The following NCKAP5 variants were observed in gnomAD, a reference collection of about 807,000 sequenced individuals.
NCKAP5 encodes the protein NCK associated protein 5.
In NCKAP5, 92 loss-of-function variants were observed where a neutral mutation model predicts 167.0. The observed-to-expected ratio is 0.55, with a 90% confidence interval of 0.47 to 0.66. The LOEUF is 0.66. NCKAP5 is among the 30% of genes least tolerant of loss of function. The probability of loss-of-function intolerance (pLI) is 0.00; values close to 1 mark genes in which losing one functional copy is unlikely to be tolerated. For synonymous variants in NCKAP5, 891 were observed against 877.4 expected, an observed-to-expected ratio of 1.02 and a Z score of -0.27; for missense variants, 2,378 against 2,315.0, an observed-to-expected ratio of 1.03 and a Z score of -0.56.
chr2:133,064,414 A>G (rs2080118304), intron 6 of NCKAP5, among the ~76,000 whole-genome samples: 1 of 152,184 alleles, frequency 6.6e-6, no homozygotes, highest in Admixed American at 6.5e-5. Flanking sequence ...AAAATCACAT[A>G]CGTGCCAGAA....
intron 3 of NCKAP5, among the ~76,000 whole-genome samples, chr2:133,359,724 G>A (rs1020957641): frequency 3.9e-5 from 6 of 152,230 alleles, no homozygotes; most frequent in African/African-American, 1.4e-4. Context: ...AATCCTTTTA[G>A]AAGAGACCCT....
rs549695599 is a variant in NCKAP5, at chr2:132,839,644, G to C, written c.807+20848C>G. ...GGCATGTTGGCATTTGCCTGTCCCA[G>C]ATACTCAGGAGGCTGAGGTAGGAGG... On this transcript the variant is annotated intron_variant, in intron 11 of 19. Coordinates refer to ENST00000409261, the MANE Select transcript of NCKAP5 (RefSeq NM_207363.3). Among the ~76,000 whole-genome samples, 16 of 150,562 alleles carry C rather than the reference G, an allele frequency of 1.1e-4. No individual in the cohort carries two copies. The South Asian group carries it at 2.1e-3, about 20-fold the overall frequency.
intron 19 of NCKAP5, among the ~76,000 whole-genome samples, chr2:132,719,968 G>T (rs778473426): frequency 6.6e-6 from 1 of 152,210 alleles, no homozygotes; most frequent in Non-Finnish European, 1.5e-5. Context: ...CAGCCAGGTA[G>T]ATGAAACAGA....
At chr2:133,401,260 C>T (rs1283263354) in intron 3 of NCKAP5, among the ~76,000 whole-genome samples, 1 of 152,228 alleles carries the variant, frequency 6.6e-6, no homozygotes, top group Non-Finnish European at 1.5e-5. Context: ...ACTCCATTCC[C>T]CTGCTCCTCA....
In NCKAP5 at chr2:132,907,221, C is replaced by T. The variant is rs528778012; in HGVS notation, c.580-28305G>A. On this transcript the variant is annotated intron_variant, in intron 8 of 19. Transcript: ENST00000409261. ...TGAAAACCTTTTAGTCCATCCTCAA[C>T]TCATAACAATGATCACCTAACCAAG... is the stretch of plus-strand genomic sequence containing the variant. Among the ~76,000 whole-genome samples, 256 of 152,318 alleles carry T rather than the reference C, an allele frequency of 1.7e-3. 1 individual carries two copies. The highest frequency in any genetic ancestry group is 6.0e-3 in the African/African-American group (251 of 41,576).
At chr2:133,533,813 C>T (rs936327234) in intron 2 of NCKAP5, among the ~76,000 whole-genome samples, 3 of 151,974 alleles carry the variant, frequency 2.0e-5, no homozygotes, top group Non-Finnish European at 4.4e-5. Context: ...CATTGCAGCC[C>T]AGAAATTTGA....
Position 132,903,114 on chromosome 2 carries a change from G to A in NCKAP5, c.580-24198C>T, listed in dbSNP as rs1693753005. 4.6e-5 allele frequency among the ~76,000 whole-genome samples: 7 copies of A among 152,326 alleles called. No individual in the cohort carries two copies. In the South Asian group the frequency reaches 1.5e-3, roughly 32 times the overall value. Reference sequence around the variant, plus strand: ...GTGAGGGTCACATGGGATAATGCATGGAGAGCACTGAAGAAGATGCCTAGT... The same window carrying A: ...GTGAGGGTCACATGGGATAATGCATAGAGAGCACTGAAGAAGATGCCTAGT... On this transcript the variant is annotated intron_variant, in intron 8 of 19. Transcript: ENST00000409261.
intron 16 of NCKAP5, among the ~76,000 whole-genome samples, chr2:132,763,367 T>C (rs910509957): frequency 6.6e-6 from 1 of 152,178 alleles, no homozygotes; most frequent in Non-Finnish European, 1.5e-5. Flanking sequence ...CAGTGTGCCA[T>C]GCGCCTTCCA....
chr2:132,823,128 T>C (rs962687414), intron 11 of NCKAP5, among the ~76,000 whole-genome samples: 4 of 151,982 alleles, frequency 2.6e-5, no homozygotes, highest in African/African-American at 9.7e-5. Context: ...GAAAACTTAT[T>C]TGTGGGAATA....
chr2:133,151,582 A>T (rs2083388208), intron 5 of NCKAP5, among the ~76,000 whole-genome samples: 1 of 152,198 alleles, frequency 6.6e-6, no homozygotes, highest in African/African-American at 2.4e-5. Context: ...ACCATGACAC[A>T]CTATTACAAT....
chr2:133,193,032 G>A (rs1304201855), intron 5 of NCKAP5, among the ~76,000 whole-genome samples: 1 of 151,916 alleles, frequency 6.6e-6, no homozygotes, highest in African/African-American at 2.4e-5. Context: ...AAAAAGTTGT[G>A]GTACATCCAT....
intron 8 of NCKAP5, among the ~76,000 whole-genome samples, chr2:132,948,276 G>A (rs2320320): frequency 0.14 from 21,479 of 152,034 alleles, 4,419 homozygotes; most frequent in African/African-American, 0.45. Flanking sequence ...GGTTAGGGGG[G>A]GAAGCTTGGC....
intron 16 of NCKAP5, among the ~76,000 whole-genome samples, chr2:132,769,833 T>C (rs1195509204): frequency 6.6e-6 from 1 of 152,336 alleles, no homozygotes. Context: ...CTTATACTTT[T>C]GTCTTAAAGG....
At chr2:132,971,718 A>C (rs2149237779) in intron 7 of NCKAP5, among the ~76,000 whole-genome samples, 1 of 152,322 alleles carries the variant, frequency 6.6e-6, no homozygotes, top group Non-Finnish European at 1.5e-5. Context: ...ACTTCCTCTA[A>C]CAGTGACAAG....
At chr2:132,953,618 G>C (rs2076259416) in intron 8 of NCKAP5, among the ~76,000 whole-genome samples, 1 of 151,876 alleles carries the variant, frequency 6.6e-6, no homozygotes, top group Non-Finnish European at 1.5e-5. Context: ...AGGAGGGAGA[G>C]GAAGGTGTGC....
chr2:133,289,307 C>A, intron 4 of NCKAP5, among the ~76,000 whole-genome samples: 1 of 152,066 alleles, frequency 6.6e-6, no homozygotes, highest in East Asian at 1.9e-4. Context: ...TGGTTCTTCC[C>A]TTTTTCATCT....
chr2:132,926,073 T>C (rs767692977), intron 8 of NCKAP5: 9 of 205,490 alleles, frequency 4.4e-5, no homozygotes, highest in African/African-American at 6.9e-5. Context: ...ATGATTATTA[T>C]CACACACTTT....
Position 132,834,103 on chromosome 2 carries a change from G to A in NCKAP5, c.807+26389C>T, listed in dbSNP as rs1234193037. Reference sequence around the variant, plus strand: ...CTGAATTCATTTAACAAATCTAAGAGCTTTTTGTAGAGTCTTTTTGTTTTT... The same window carrying A: ...CTGAATTCATTTAACAAATCTAAGAACTTTTTGTAGAGTCTTTTTGTTTTT... On this transcript the variant is annotated intron_variant, in intron 11 of 19. Coordinates refer to ENST00000409261, the MANE Select transcript of NCKAP5 (RefSeq NM_207363.3). Among the ~76,000 whole-genome samples, 2 of 152,182 alleles carry A rather than the reference G, an allele frequency of 1.3e-5. 1 individual carries two copies. Among genetic ancestry groups the A allele is most frequent in the African/African-American group, 4.8e-5 (2 of 41,518 alleles).
intron 6 of NCKAP5, among the ~76,000 whole-genome samples, chr2:133,023,458 C>T (rs756098030): frequency 7.9e-5 from 12 of 151,872 alleles, no homozygotes; most frequent in Admixed American, 2.6e-4. Flanking sequence ...TATAATTGTA[C>T]ATTTATTTTA....
Sources: gnomAD v4.1 joint callset for allele counts (sites outside exome capture counted in the v4.1 genomes callset) on GRCh38, gnomAD v4.1.1 for gene constraint, MANE v1.5 for transcripts, NCBI Gene and HGNC (gene_info 2026-07-23, HGNC 2026-07-21) for gene names.